Variants in SLC24A2 observed in about 807,000 individuals in gnomAD.
SLC24A2 encodes the protein sodium/potassium/calcium exchanger 2.
In SLC24A2, 36 loss-of-function variants were observed where a neutral mutation model predicts 62.0. The ratio of observed to expected loss-of-function variants is 0.58; its 90% CI spans 0.44 to 0.77. The LOEUF (loss-of-function observed/expected upper bound fraction) is 0.77, where lower values mean the gene tolerates loss of function less well. Among genes scored for constraint, SLC24A2 ranks in the 30% least tolerant of loss-of-function variants. The probability of loss-of-function intolerance (pLI) is 0.00; values close to 1 mark genes in which losing one functional copy is unlikely to be tolerated. For synonymous variants in SLC24A2, 358 were observed against 294.0 expected, an observed-to-expected ratio of 1.22 and a Z score of -2.23; for missense variants, 846 against 817.9, an observed-to-expected ratio of 1.03 and a Z score of -0.42.
the SLC24A2 span, among the ~76,000 whole-genome samples, chr9:20,036,320 C>T: frequency 2.8e-3 from 429 of 152,198 alleles, 3 homozygotes; most frequent in African/African-American, 9.7e-3. Flanking sequence ...ATATTTGACA[C>T]TTGTTGTAAT....
At chr9:19,701,271 G>T (rs572860365) in intron 2 of SLC24A2, among the ~76,000 whole-genome samples, 1 of 152,184 alleles carries the variant, frequency 6.6e-6, no homozygotes, top group African/African-American at 2.4e-5. Flanking sequence ...ATATTGTAGC[G>T]GAATCCGCTA....
chr9:19,760,390 T>A (rs747513577), intron 2 of SLC24A2, among the ~76,000 whole-genome samples: 1 of 152,178 alleles, frequency 6.6e-6, no homozygotes, highest in Non-Finnish European at 1.5e-5. Flanking sequence ...TATTATACTT[T>A]AAATTCTGGG....
chr9:20,114,676 T>G, the SLC24A2 span, among the ~76,000 whole-genome samples: 5 of 152,164 alleles, frequency 3.3e-5, no homozygotes, highest in African/African-American at 1.2e-4. Context: ...ATCTACCATG[T>G]GCTATGAATC....
the SLC24A2 span, among the ~76,000 whole-genome samples, chr9:20,190,562 T>G: frequency 6.6e-6 from 1 of 152,190 alleles, no homozygotes; most frequent in Admixed American, 6.5e-5. Context: ...ATACTCCTAC[T>G]AGTCCCATTG....
the SLC24A2 span, among the ~76,000 whole-genome samples, chr9:19,995,133 T>C: frequency 0.021 from 3,184 of 151,822 alleles, 51 homozygotes; most frequent in Non-Finnish European, 0.033. Context: ...AGGAATATGA[T>C]AGGGATTGAG....
At chr9:19,607,501 C>T (rs1279979557) in intron 4 of SLC24A2, among the ~76,000 whole-genome samples, 2 of 152,002 alleles carry the variant, frequency 1.3e-5, no homozygotes, top group Non-Finnish European at 2.9e-5. Context: ...AGGTGGATAA[C>T]CTGAGGTCAG....
At chr9:20,098,268 G>C in the SLC24A2 span, among the ~76,000 whole-genome samples, 1 of 152,104 alleles carries the variant, frequency 6.6e-6, no homozygotes, top group Non-Finnish European at 1.5e-5. Flanking sequence ...TATATTACTA[G>C]TGCTCAAGGC....
chr9:20,190,586 G>A, the SLC24A2 span, among the ~76,000 whole-genome samples: 1 of 152,150 alleles, frequency 6.6e-6, no homozygotes, highest in Non-Finnish European at 1.5e-5. Context: ...AGAGAAAAGT[G>A]AGGCTCAGAA....
intron 2 of SLC24A2, among the ~76,000 whole-genome samples, chr9:19,783,107 C>T (rs1051223282): frequency 6.6e-6 from 1 of 152,188 alleles, no homozygotes; most frequent in East Asian, 1.9e-4. Flanking sequence ...CCATGCTTCA[C>T]AGTTACCCTA....
chr9:19,948,764 G>C, the SLC24A2 span, among the ~76,000 whole-genome samples: 1 of 146,510 alleles, frequency 6.8e-6, no homozygotes, highest in Non-Finnish European at 1.5e-5. Flanking sequence ...AGAATGGCGT[G>C]AACCCGGAAG....
chr9:19,793,094 A>T (rs1823339717), upstream of SLC24A2, among the ~76,000 whole-genome samples: 1 of 152,330 alleles, frequency 6.6e-6, no homozygotes, highest in African/African-American at 2.4e-5. Context: ...GCTAACACAT[A>T]TCTGTGGAGT....
chr9:19,646,218 T>G (rs2118118444), intron 2 of SLC24A2, among the ~76,000 whole-genome samples: 1 of 152,322 alleles, frequency 6.6e-6, no homozygotes, highest in African/African-American at 2.4e-5. Context: ...TAAATCTTCT[T>G]AGATGCTTCT....
the SLC24A2 span, among the ~76,000 whole-genome samples, chr9:19,823,421 G>A: frequency 2.8e-4 from 43 of 151,910 alleles, no homozygotes; most frequent in Non-Finnish European, 2.9e-4. Context: ...TTTTCTAAAA[G>A]TAAAGAATTT....
chr9:19,568,276 C>T (rs1835736552), intron 7 of SLC24A2, among the ~76,000 whole-genome samples: 1 of 152,158 alleles, frequency 6.6e-6, no homozygotes, highest in Non-Finnish European at 1.5e-5. Context: ...GACTTTCCAG[C>T]CTGGAAACCT....
At chr9:19,718,251 AG>A (rs1820918182) in intron 2 of SLC24A2, among the ~76,000 whole-genome samples, 1 of 143,854 alleles carries the variant, frequency 7.0e-6, no homozygotes, top group Admixed American at 7.2e-5. Flanking sequence ...CTGGGATTAC[AG>A]GCTTAAGCTA....
the SLC24A2 span, among the ~76,000 whole-genome samples, chr9:20,079,051 G>A: frequency 7.0e-6 from 1 of 143,228 alleles, no homozygotes; most frequent in African/African-American, 2.5e-5. Flanking sequence ...ATATAATTAA[G>A]AACCTTGAGA....
chr9:19,665,600 T>C (rs1424199446), intron 2 of SLC24A2, among the ~76,000 whole-genome samples: 1 of 152,092 alleles, frequency 6.6e-6, no homozygotes. Flanking sequence ...GGGTGAATCA[T>C]TTAACCCCAC....
chr9:19,519,373 G>GTA (rs1563927335), intron 10 of SLC24A2, among the ~76,000 whole-genome samples: 5 of 151,662 alleles, frequency 3.3e-5, no homozygotes, highest in African/African-American at 7.3e-5. Context: ...GTGTGTGTGT[G>GTA]TGTATGTATA....
the SLC24A2 span, among the ~76,000 whole-genome samples, chr9:19,991,025 C>T: frequency 1.0e-5 from 1 of 99,988 alleles, no homozygotes; most frequent in Non-Finnish European, 2.0e-5. Flanking sequence ...TACACACACA[C>T]ATATATACAC....
Sources: gnomAD v4.1 joint callset for allele counts (sites outside exome capture counted in the v4.1 genomes callset) on GRCh38, gnomAD v4.1.1 for gene constraint, MANE v1.5 for transcripts, NCBI Gene and HGNC (gene_info 2026-07-23, HGNC 2026-07-21) for gene names.